Variants in ESRRG observed in about 807,000 individuals in gnomAD.
The protein encoded by ESRRG is estrogen-related receptor gamma.
In ESRRG, 13 loss-of-function variants were observed where a neutral mutation model predicts 44.0. The observed-to-expected ratio is 0.30, with a 90% CI of 0.19 to 0.47. The LOEUF is 0.47. ESRRG is among the 20% of genes least tolerant of loss of function. The pLI is 1.00. For missense variants in ESRRG, 395 were observed against 580.6 expected (o/e 0.68, Z 3.29); for synonymous variants, 215 against 214.6 (o/e 1.00, Z -0.02).
chr1:216,784,504 T>C (rs962238416), intron 2 of ESRRG, among the ~76,000 whole-genome samples: 2 of 151,978 alleles, frequency 1.3e-5, no homozygotes, highest in African/African-American at 2.4e-5. Flanking sequence ...AAGCACTAGA[T>C]TAAGATTCTG....
intron 1 of ESRRG, among the ~76,000 whole-genome samples, chr1:217,101,844 T>C (rs1283618131): frequency 6.6e-6 from 1 of 152,208 alleles, no homozygotes; most frequent in Admixed American, 6.5e-5. Context: ...TTCACTCTTG[T>C]TGCCCAGGCT....
chr1:217,032,763 C>T (rs190767723), intron 1 of ESRRG, among the ~76,000 whole-genome samples: 9 of 152,252 alleles, frequency 5.9e-5, no homozygotes, highest in Non-Finnish European at 1.2e-4. Flanking sequence ...TCTCCATCTC[C>T]CAAATGCTAT....
intron 2 of ESRRG, among the ~76,000 whole-genome samples, chr1:216,937,233 G>T (rs530234123): frequency 6.9e-6 from 1 of 144,814 alleles, no homozygotes; most frequent in Admixed American, 7.0e-5. Flanking sequence ...AATAAAAATA[G>T]TCAGGAAGAG....
intron 1 of ESRRG, among the ~76,000 whole-genome samples, chr1:216,954,150 C>T (rs969787646): frequency 7.2e-5 from 11 of 151,952 alleles, no homozygotes; most frequent in African/African-American, 2.7e-4. Flanking sequence ...CATCTCTGAA[C>T]GTATTTTTTA....
At chr1:216,593,978 C>T (rs747540342) in intron 3 of ESRRG, among the ~76,000 whole-genome samples, 1 of 152,160 alleles carries the variant, frequency 6.6e-6, no homozygotes, top group Non-Finnish European at 1.5e-5. Flanking sequence ...GGCAATCCTC[C>T]TGCCTCAGCC....
At chr1:216,769,215 C>T (rs1395011250) in intron 2 of ESRRG, among the ~76,000 whole-genome samples, 1 of 151,864 alleles carries the variant, frequency 6.6e-6, no homozygotes, top group Non-Finnish European at 1.5e-5. Context: ...TGATTAATGT[C>T]CCAAAATAAG....
intron 5 of ESRRG, among the ~76,000 whole-genome samples, chr1:216,523,502 G>GTTTTTTTTT (rs572065983): frequency 7.1e-6 from 1 of 141,274 alleles, no homozygotes; most frequent in Non-Finnish European, 1.5e-5. Context: ...TTTTTTTTTT[G>GTTTTTTTTT]TTTTTTTTTT....
intron 1 of ESRRG, among the ~76,000 whole-genome samples, chr1:217,120,574 C>T (rs372941073): frequency 2.0e-5 from 3 of 152,056 alleles, no homozygotes; most frequent in Admixed American, 6.6e-5. Context: ...CGTTCTTCAG[C>T]GTCTAGCCCC....
intron 1 of ESRRG, among the ~76,000 whole-genome samples, chr1:217,074,338 C>T (rs1433158738): frequency 5.3e-5 from 8 of 151,534 alleles, no homozygotes; most frequent in Non-Finnish European, 7.4e-5. Flanking sequence ...CATGAACCAC[C>T]GCGCCCAGCC....
At chr1:216,518,688 T>C (rs2045142470) in intron 6 of ESRRG, among the ~76,000 whole-genome samples, 1 of 152,182 alleles carries the variant, frequency 6.6e-6, no homozygotes, top group Non-Finnish European at 1.5e-5. Flanking sequence ...TCTAAAGAAC[T>C]CCAGAATGTA....
chr1:217,054,455 A>G (rs2086690320), intron 1 of ESRRG, among the ~76,000 whole-genome samples: 1 of 152,130 alleles, frequency 6.6e-6, no homozygotes, highest in Non-Finnish European at 1.5e-5. Context: ...ATTTTCTGAG[A>G]TTTTCTCAAT....
chr1:216,771,536 A>T (rs886548880), intron 2 of ESRRG, among the ~76,000 whole-genome samples: 1 of 152,130 alleles, frequency 6.6e-6, no homozygotes, highest in Non-Finnish European at 1.5e-5. Context: ...AAAATTTTGT[A>T]ACTGGGAGAT....
intron 2 of ESRRG, among the ~76,000 whole-genome samples, chr1:216,861,202 AT>A (rs1360767270): frequency 6.6e-6 from 1 of 152,116 alleles, no homozygotes; most frequent in African/African-American, 2.4e-5. Context: ...AATGAAATAA[AT>A]AAAAAATAAA....
chr1:216,923,617 T>C (rs1578196588), intron 2 of ESRRG, among the ~76,000 whole-genome samples: 1 of 152,292 alleles, frequency 6.6e-6, no homozygotes, highest in East Asian at 1.9e-4. Flanking sequence ...AGGATCAAGA[T>C]CTTATTCCAG....
intron 2 of ESRRG, among the ~76,000 whole-genome samples, chr1:216,732,362 T>C (rs1014915196): frequency 3.4e-5 from 5 of 145,218 alleles, no homozygotes; most frequent in African/African-American, 1.3e-4. Flanking sequence ...TGCTGCAAAG[T>C]TGACATCTGG....
chr1:216,607,354 A>G (rs887644285), intron 3 of ESRRG, among the ~76,000 whole-genome samples: 1 of 152,202 alleles, frequency 6.6e-6, no homozygotes, highest in Admixed American at 6.5e-5. Context: ...TTATGTAGAC[A>G]AGCAAGAACA....
chr1:216,663,170 T>C (rs1378241655), intron 2 of ESRRG, among the ~76,000 whole-genome samples: 1 of 152,130 alleles, frequency 6.6e-6, no homozygotes. Context: ...ATATAAAACA[T>C]AGGCGAAAGC....
At chr1:217,074,469 A>C (rs1258869002) in intron 1 of ESRRG, among the ~76,000 whole-genome samples, 2 of 149,580 alleles carry the variant, frequency 1.3e-5, no homozygotes, top group African/African-American at 4.9e-5. Context: ...AAAAAAACTC[A>C]ACTAGTTTTT....
At chr1:216,567,112 T>A (rs1358346298) in intron 4 of ESRRG, among the ~76,000 whole-genome samples, 1 of 152,148 alleles carries the variant, frequency 6.6e-6, no homozygotes, top group African/African-American at 2.4e-5. Flanking sequence ...CTCTGATGAG[T>A]GCTGGTTGTG....
Sources: gnomAD v4.1 joint callset for allele counts (sites outside exome capture counted in the v4.1 genomes callset) on GRCh38, gnomAD v4.1.1 for gene constraint, MANE v1.5 for transcripts, NCBI Gene and HGNC (gene_info 2026-07-23, HGNC 2026-07-21) for gene names.